ZNF541: variants seen among roughly 807,000 people sequenced by gnomAD.
ZNF541 encodes zinc finger protein 541.
ZNF541 carries 23 observed loss-of-function variants against 123.5 expected under a neutral mutation model. The ratio of observed to expected loss-of-function variants is 0.19; its 90% confidence interval spans 0.13 to 0.26. The LOEUF (loss-of-function observed/expected upper bound fraction) is 0.26, where lower values mean the gene tolerates loss of function less well. Among genes scored for constraint, ZNF541 ranks in the 10% least tolerant of loss-of-function variants. The pLI, the probability that ZNF541 is intolerant of heterozygous loss-of-function variation, is 1.00. For missense variants in ZNF541, 1,612 were observed against 1,789.9 expected (o/e 0.90, Z 1.79); for synonymous variants, 751 against 754.5 (o/e 1.00, Z 0.08).
At chr19:47,563,088 A>C (rs1194567012) in intron 2 of ZNF541, among the ~76,000 whole-genome samples, 1 of 152,050 alleles carries the variant, frequency 6.6e-6, no homozygotes, top group African/African-American at 2.4e-5. Context: ...CTGCACCTGC[A>C]ATGTCTGCAT....
At chr19:47,530,990 C>T (rs1294102685) in intron 12 of ZNF541, among the ~76,000 whole-genome samples, 2 of 152,132 alleles carry the variant, frequency 1.3e-5, no homozygotes, top group African/African-American at 4.8e-5. Flanking sequence ...TTAAACCAAG[C>T]GTGGAGCCCC....
chr19:47,571,121 T>C (rs973727931), intron 2 of ZNF541, among the ~76,000 whole-genome samples: 2 of 151,662 alleles, frequency 1.3e-5, no homozygotes, highest in Non-Finnish European at 2.9e-5. Context: ...ATGCTGTCTT[T>C]TTTTTTTTTG....
At position 47,529,595 on chromosome 19, in the gene ZNF541, C is replaced by T. The variant is rs756806891; in HGVS notation, c.3463G>A (p.Ala1155Thr). The T allele has an allele frequency of 1.0e-5, 16 of 1,551,630 alleles. No individual in the cohort carries two copies. Among genetic ancestry groups the T allele is most frequent in the South Asian group, 8.3e-5 (7 of 84,054 alleles). ...GPHKPRTHLL[A>T]DYRYTGSDVW... The stretch of plus-strand genomic sequence containing the variant: ...CCGTCACCTGTGTAGCGATAGTCAG[C>T]GAGCAGGTGTGTCCGTGGCTTGTGG... The change falls in exon 13 of 17, where the codon GCT becomes ACT. Residue 1155 changes from alanine (A) to threonine (T), a missense_variant. Transcript: ENST00000391901.
intron 9 of ZNF541, among the ~76,000 whole-genome samples, chr19:47,534,672 C>T (rs1038393431): frequency 1.4e-4 from 21 of 151,548 alleles, no homozygotes; most frequent in Admixed American, 3.3e-4. Context: ...AACCACCCCC[C>T]CAAAACAAAA....
At chr19:47,538,495 A>C in intron 8 of ZNF541, 56 bp from the exon 9 acceptor site, 2 of 1,419,474 alleles carry the variant, frequency 1.4e-6, no homozygotes, top group Non-Finnish European at 9.3e-7. Flanking sequence ...GCACCACTCC[A>C]TCTCCAGGAT....
intron 9 of ZNF541, 82 bp from the exon 10 acceptor site, chr19:47,533,054 G>C: frequency 7.4e-7 from 1 of 1,348,032 alleles, no homozygotes; most frequent in East Asian, 2.6e-5. Flanking sequence ...TGTGGACGCA[G>C]CTGAAAGCAG....
chr19:47,540,402 TG>T, intron 6 of ZNF541, 67 bp from the exon 7 acceptor site: 10 of 1,447,266 alleles, frequency 6.9e-6, no homozygotes, highest in Non-Finnish European at 9.1e-6. Context: ...GATTTTTTGT[TG>T]TTTTTTTTTC....
chr19:47,535,064 C>T (rs575871827), intron 9 of ZNF541, among the ~76,000 whole-genome samples: 10 of 151,914 alleles, frequency 6.6e-5, no homozygotes, highest in Admixed American at 1.3e-4. Flanking sequence ...AAGCGATTCT[C>T]TGTCTCAGCC....
At chr19:47,546,459 C>A (rs908995272) in intron 4 of ZNF541, among the ~76,000 whole-genome samples, 3 of 151,742 alleles carry the variant, frequency 2.0e-5, no homozygotes, top group Non-Finnish European at 4.4e-5. Flanking sequence ...TTGCAGTGAG[C>A]CGAGATCACA....
chr19:47,542,081 C>G (rs1432093949), intron 5 of ZNF541, among the ~76,000 whole-genome samples: 3 of 152,128 alleles, frequency 2.0e-5, no homozygotes, highest in African/African-American at 7.2e-5. Flanking sequence ...CGTTTGCCAC[C>G]CCACGGATGA....
chr19:47,555,967 CAAG>C lies in ZNF541; in HGVS notation c.-98-16_-98-14del, dbSNP rs1447107291. 1.0e-5 allele frequency: 12 copies of C among 1,157,814 alleles called. No individual in the cohort carries two copies. Among genetic ancestry groups the C allele is most frequent in the South Asian group, 1.6e-5 (1 of 61,096 alleles). 71.7% of individuals were successfully genotyped at this position (1,157,814 alleles called of 1,614,324 possible). ...TGGCAACTAATTCCTGAAAATGAAG[CAAG>C]AAGAATGAAAGTTATTAGGTGGCAA... is the stretch of plus-strand genomic sequence containing the variant. On this transcript the variant is annotated splice_polypyrimidine_tract_variant and intron_variant, in intron 2 of 16. Transcript: ENST00000391901.
At chr19:47,550,271 AAGAAAGAC>A (rs1465975027) in intron 3 of ZNF541, among the ~76,000 whole-genome samples, 43 of 151,564 alleles carry the variant, frequency 2.8e-4, no homozygotes, top group African/African-American at 9.9e-4. Flanking sequence ...AAAAGAAAGA[AAGAAAGAC>A]AGGAAGGAAG....
At chr19:47,541,408 C>G (rs879912585) in intron 5 of ZNF541, among the ~76,000 whole-genome samples, 2 of 151,354 alleles carry the variant, frequency 1.3e-5, no homozygotes, top group Non-Finnish European at 2.9e-5. Flanking sequence ...CAGTGAGACC[C>G]TGTCTCAAAA....
intron 4 of ZNF541, 144 bp downstream of exon 4, chr19:47,549,101 G>A (rs1441345337): frequency 8.7e-6 from 10 of 1,147,936 alleles, no homozygotes; most frequent in African/African-American, 1.6e-5. Context: ...CTGTGGCTGC[G>A]GCTGAGCAGA....
intron 2 of ZNF541, among the ~76,000 whole-genome samples, chr19:47,558,715 G>A (rs1392449628): frequency 6.7e-6 from 1 of 149,984 alleles, no homozygotes; most frequent in African/African-American, 2.4e-5. Flanking sequence ...GTCTCAGCCG[G>A]ATTACAGGTG....
chr19:47,532,837 A>C (rs1384702596), intron 10 of ZNF541, 72 bp downstream of exon 10: 2 of 1,455,064 alleles, frequency 1.4e-6, no homozygotes, highest in African/African-American at 2.8e-5. Flanking sequence ...GGGAAGAAGG[A>C]ACCCTTGGGA....
intron 9 of ZNF541, among the ~76,000 whole-genome samples, chr19:47,536,206 C>G (rs1174686837): frequency 6.6e-6 from 1 of 152,320 alleles, no homozygotes; most frequent in Admixed American, 6.5e-5. Context: ...AAATCCACAA[C>G]CTTCCAGCGT....
At chr19:47,558,358 G>T (rs1000200464) in intron 2 of ZNF541, among the ~76,000 whole-genome samples, 1 of 151,932 alleles carries the variant, frequency 6.6e-6, no homozygotes, top group African/African-American at 2.4e-5. Context: ...GGAGCTTGCA[G>T]TGAGCCGAGA....
intron 4 of ZNF541, among the ~76,000 whole-genome samples, chr19:47,546,833 G>A (rs1244427112): frequency 6.6e-6 from 1 of 152,138 alleles, no homozygotes; most frequent in African/African-American, 2.4e-5. Flanking sequence ...CGATTCTTGT[G>A]CCTCAGCCTC....
Sources: allele counts gnomAD v4.1 joint callset (sites outside exome capture counted in the v4.1 genomes callset), GRCh38; gene constraint gnomAD v4.1.1; transcripts MANE v1.5; gene names NCBI Gene and HGNC (gene_info 2026-07-23, HGNC 2026-07-21).